KCNIP4: variants seen among roughly 807,000 people sequenced by gnomAD.
KCNIP4 encodes Kv channel-interacting protein 4.
Under a neutral mutation model 34.0 loss-of-function variants are expected in KCNIP4, and 12 were observed. That is an observed-to-expected ratio of 0.35 (90% confidence interval 0.23 to 0.57). The LOEUF is 0.57. KCNIP4 is among the 20% of genes least tolerant of loss of function. The pLI, the probability that KCNIP4 is intolerant of heterozygous loss-of-function variation, is 0.83. For synonymous variants in KCNIP4, 124 were observed against 102.2 expected, an observed-to-expected ratio of 1.21 and a Z score of -1.29; for missense variants, 238 against 311.7, an observed-to-expected ratio of 0.76 and a Z score of 1.78.
intron 5 of KCNIP4, among the ~76,000 whole-genome samples, chr4:20,735,677 C>A (rs2149278667): frequency 6.6e-6 from 1 of 152,088 alleles, no homozygotes; most frequent in East Asian, 1.9e-4. Context: ...GCTGGGACTA[C>A]AGGCACCCGC....
At position 21,547,818 on chromosome 4, in the gene KCNIP4, A is replaced by G. The variant is rs972166033; in HGVS notation, c.61+400753T>C. 2.6e-5 allele frequency among the ~76,000 whole-genome samples: 4 copies of G among 152,072 alleles called. No homozygotes were observed. In the East Asian group the frequency reaches 7.7e-4, roughly 29 times the overall value. On this transcript the variant is annotated intron_variant, in intron 1 of 8. Transcript: ENST00000382152. ...GCTTGGGGATGAGTTCCAAGCCTAAATCTAAAATTTGTTTATGTTTCATAT... is the reference window on the plus strand; with the variant it reads ...GCTTGGGGATGAGTTCCAAGCCTAAGTCTAAAATTTGTTTATGTTTCATAT...
chr4:20,739,708 G>A (rs4640668), intron 5 of KCNIP4, among the ~76,000 whole-genome samples: 52,108 of 151,950 alleles, frequency 0.34, 9,393 homozygotes, highest in African/African-American at 0.44. Context: ...GCACCTCCTC[G>A]CCAGCAATGG....
chr4:21,520,334 G>A (rs1018759000), intron 1 of KCNIP4, among the ~76,000 whole-genome samples: 1 of 152,096 alleles, frequency 6.6e-6, no homozygotes, highest in African/African-American at 2.4e-5. Flanking sequence ...TCTGATCTCA[G>A]TTTTCCAGCC....
At chr4:21,544,831 T>C (rs917416069) in intron 1 of KCNIP4, among the ~76,000 whole-genome samples, 1 of 152,082 alleles carries the variant, frequency 6.6e-6, no homozygotes, top group Non-Finnish European at 1.5e-5. Flanking sequence ...GCCATTCTTT[T>C]ATTCCTTTAC....
chr4:20,929,650 AC>A (rs1353844727), intron 1 of KCNIP4, among the ~76,000 whole-genome samples: 2 of 151,992 alleles, frequency 1.3e-5, no homozygotes, highest in Admixed American at 6.6e-5. Context: ...TAAAGATTCC[AC>A]AAAAAACTGA....
chr4:21,229,483 T>C lies in KCNIP4; in HGVS notation c.62-346774A>G, dbSNP rs139070483. On this transcript the variant is annotated intron_variant, in intron 1 of 8. Transcript: ENST00000382152. ...CACAGTGCCCTGTTAATTTGATTATTTATTCATTTGCAAACACAGACGTTT... is the reference window on the plus strand; with the variant it reads ...CACAGTGCCCTGTTAATTTGATTATCTATTCATTTGCAAACACAGACGTTT... Among the ~76,000 whole-genome samples, 606 of 152,312 alleles carry C rather than the reference T, an allele frequency of 4.0e-3. 6 individuals are homozygous for C. The highest frequency in any genetic ancestry group is 0.014 in the African/African-American group (576 of 41,564).
chr4:21,314,475 G>C (rs1713521105), intron 1 of KCNIP4, among the ~76,000 whole-genome samples: 1 of 152,166 alleles, frequency 6.6e-6, no homozygotes, highest in African/African-American at 2.4e-5. Flanking sequence ...GACTATTCTA[G>C]AATTCTGCCT....
chr4:21,431,138 C>T lies in KCNIP4; in HGVS notation c.61+517433G>A, dbSNP rs13128468. Among the ~76,000 whole-genome samples, 2,430 of 149,770 alleles carry T rather than the reference C, an allele frequency of 0.016. 127 individuals carry two copies. The East Asian group carries it at 0.17, about 10-fold the overall frequency. On this transcript the variant is annotated intron_variant, in intron 1 of 8. Coordinates refer to ENST00000382152, the MANE Select transcript of KCNIP4 (RefSeq NM_025221.6). ...TAATATATATTGAATTAAAGAGGAA[C>T]GAAGGAGAAGGGCAAGGATATCCAA...
At chr4:20,853,442 T>C (rs1056366169) in intron 2 of KCNIP4, among the ~76,000 whole-genome samples, 2 of 151,986 alleles carry the variant, frequency 1.3e-5, no homozygotes, top group Non-Finnish European at 2.9e-5. Flanking sequence ...TAGCCTCATG[T>C]AGGAGAATGA....
chr4:20,763,342 C>T (rs1312382606), intron 3 of KCNIP4, among the ~76,000 whole-genome samples: 1 of 152,124 alleles, frequency 6.6e-6, no homozygotes, highest in East Asian at 1.9e-4. Context: ...ACATAACAAT[C>T]TTGGGTGAGT....
chr4:21,790,492 C>T (rs1413253468), intron 1 of KCNIP4, among the ~76,000 whole-genome samples: 2 of 151,986 alleles, frequency 1.3e-5, no homozygotes, highest in African/African-American at 4.8e-5. Context: ...CAAAACCTCA[C>T]ATTATGACAA....
At chr4:20,757,905 C>T (rs867018789) in intron 4 of KCNIP4, among the ~76,000 whole-genome samples, 1 of 152,176 alleles carries the variant, frequency 6.6e-6, no homozygotes, top group South Asian at 2.1e-4. Context: ...TTTATGTCCT[C>T]TCTGTCCTGC....
intron 1 of KCNIP4, among the ~76,000 whole-genome samples, chr4:20,987,007 C>A (rs1046325654): frequency 6.6e-6 from 1 of 152,074 alleles, no homozygotes; most frequent in African/African-American, 2.4e-5. Flanking sequence ...TTCACATGCA[C>A]CCCCAGCTGT....
At chr4:20,928,944 A>C (rs1246586943) in intron 1 of KCNIP4, among the ~76,000 whole-genome samples, 1 of 152,016 alleles carries the variant, frequency 6.6e-6, no homozygotes, top group Non-Finnish European at 1.5e-5. Context: ...TGGCTTCATG[A>C]ATGAATTCTA....
chr4:21,102,262 G>A (rs1748016093), intron 1 of KCNIP4, among the ~76,000 whole-genome samples: 1 of 152,164 alleles, frequency 6.6e-6, no homozygotes, highest in Non-Finnish European at 1.5e-5. Flanking sequence ...TCAGTTGGGT[G>A]ACTGGTGATC....
intron 1 of KCNIP4, among the ~76,000 whole-genome samples, chr4:21,837,745 A>G (rs974698471): frequency 6.6e-6 from 1 of 152,048 alleles, no homozygotes; most frequent in Non-Finnish European, 1.5e-5. Flanking sequence ...ATTTAAAATC[A>G]TTTAATTAAG....
chr4:21,335,060 CT>C (rs1302259405), intron 1 of KCNIP4, among the ~76,000 whole-genome samples: 2 of 152,050 alleles, frequency 1.3e-5, no homozygotes, highest in African/African-American at 2.4e-5. Context: ...AGCTCTGCCC[CT>C]GAAAGACCCC....
At chr4:21,181,622 A>G (rs1754851317) in intron 1 of KCNIP4, among the ~76,000 whole-genome samples, 1 of 152,084 alleles carries the variant, frequency 6.6e-6, no homozygotes, top group Non-Finnish European at 1.5e-5. Flanking sequence ...GGAGTTTTTC[A>G]TGTAATAGGT....
chr4:21,497,539 A>C (rs28594626), intron 1 of KCNIP4, among the ~76,000 whole-genome samples: 5,766 of 152,052 alleles, frequency 0.038, 331 homozygotes, highest in African/African-American at 0.12. Flanking sequence ...TCCACCCCAA[A>C]CAGTTTTTAA....
Sources: gnomAD v4.1 joint callset for allele counts (sites outside exome capture counted in the v4.1 genomes callset) on GRCh38, gnomAD v4.1.1 for gene constraint, MANE v1.5 for transcripts, NCBI Gene and HGNC (gene_info 2026-07-23, HGNC 2026-07-21) for gene names.